SYNDIG1L: variants seen among roughly 807,000 people sequenced by gnomAD.
SYNDIG1L encodes the protein synapse differentiation inducing 1 like.
SYNDIG1L carries 13 observed loss-of-function variants against 20.1 expected under a neutral mutation model. The ratio of observed to expected loss-of-function variants is 0.65; its 90% CI spans 0.42 to 1.03. SYNDIG1L has a LOEUF of 1.03. Among genes scored for constraint, SYNDIG1L ranks in the 50% least tolerant of loss-of-function variants. The pLI is 0.00. For missense variants in SYNDIG1L, 294 were observed against 305.1 expected, an observed-to-expected ratio of 0.96 and a Z score of 0.27; for synonymous variants, 128 against 129.3, an observed-to-expected ratio of 0.99 and a Z score of 0.07.
chr14:74,454,396 T>A, the SYNDIG1L span, among the ~76,000 whole-genome samples: 2 of 152,232 alleles, frequency 1.3e-5, no homozygotes, highest in Non-Finnish European at 1.5e-5. Flanking sequence ...AAAGGAGAAC[T>A]GCCAGGTCTG....
intron 1 of SYNDIG1L, among the ~76,000 whole-genome samples, chr14:74,418,308 C>T (rs1310804672): frequency 3.3e-5 from 5 of 152,046 alleles, no homozygotes; most frequent in African/African-American, 4.8e-5. Context: ...GCGAGGGGGG[C>T]GAGGTTGGCA....
the SYNDIG1L span, among the ~76,000 whole-genome samples, chr14:74,471,699 T>C: frequency 6.6e-6 from 1 of 152,156 alleles, no homozygotes; most frequent in Non-Finnish European, 1.5e-5. Context: ...CAACATTTAA[T>C]GTGCAACTAT....
chr14:74,446,859 T>C, the SYNDIG1L span, among the ~76,000 whole-genome samples: 1 of 152,128 alleles, frequency 6.6e-6, no homozygotes, highest in African/African-American at 2.4e-5. Flanking sequence ...TCAGGTGATC[T>C]GCCTGCCTCA....
chr14:74,438,191 C>T, the SYNDIG1L span, among the ~76,000 whole-genome samples: 2 of 152,164 alleles, frequency 1.3e-5, no homozygotes, highest in Non-Finnish European at 1.5e-5. Context: ...GACTAGTCAT[C>T]CTAAGTGTGA....
At chr14:74,410,640 C>T (rs1382816314) in intron 1 of SYNDIG1L, among the ~76,000 whole-genome samples, 3 of 124,610 alleles carry the variant, frequency 2.4e-5, no homozygotes, top group African/African-American at 9.1e-5. Flanking sequence ...GGGAACTGAT[C>T]CTGGGAAATA....
At chr14:74,470,845 C>T in the SYNDIG1L span, among the ~76,000 whole-genome samples, 14 of 152,328 alleles carry the variant, frequency 9.2e-5, no homozygotes, top group African/African-American at 3.1e-4. Context: ...TACTGCCTGC[C>T]TCTGAGAACT....
chr14:74,411,755 A>T (rs555309245), intron 1 of SYNDIG1L, among the ~76,000 whole-genome samples: 1 of 152,168 alleles, frequency 6.6e-6, no homozygotes, highest in Non-Finnish European at 1.5e-5. Context: ...TGCTGGCTGC[A>T]TGAGGGCAAG....
Position 74,409,334 on chromosome 14 carries a change from T to TTCCTCCTGGTCA in SYNDIG1L, c.399_410dup (p.Asp133_Glu136dup). 6.4e-7 allele frequency: 1 copy of TTCCTCCTGGTCA among 1,552,124 alleles called. No homozygotes were observed. The highest frequency in any genetic ancestry group is 8.7e-7 in the Non-Finnish European group (1 of 1,147,704). On this transcript the variant is annotated inframe_insertion, in exon 2 of 4. Coordinates refer to ENST00000331628, the MANE Select transcript of SYNDIG1L (RefSeq NM_001105579.2). ...TTTAACCTCATGCACTCACCTCCTCTTCCTCCTGGTCATCCTCCTGGTCCC... is the reference window on the plus strand; with the variant it reads ...TTTAACCTCATGCACTCACCTCCTCTTCCTCCTGGTCATCCTCCTGGTCATCCTCCTGGTCCC...
the SYNDIG1L span, among the ~76,000 whole-genome samples, chr14:74,434,063 TAAC>T: frequency 6.6e-6 from 1 of 151,966 alleles, no homozygotes; most frequent in Non-Finnish European, 1.5e-5. Flanking sequence ...ACATATAATA[TAAC>T]AACAAGTATG....
chr14:74,444,340 G>A, the SYNDIG1L span, among the ~76,000 whole-genome samples: 8 of 151,860 alleles, frequency 5.3e-5, no homozygotes, highest in African/African-American at 1.9e-4. Context: ...GATTACAGGC[G>A]TGAGCCACTG....
the SYNDIG1L span, among the ~76,000 whole-genome samples, chr14:74,438,726 G>A: frequency 1.3e-5 from 2 of 152,148 alleles, no homozygotes; most frequent in Non-Finnish European, 2.9e-5. Context: ...CTGTAATGGG[G>A]GAAGAATGTT....
At chr14:74,462,282 G>A in the SYNDIG1L span, among the ~76,000 whole-genome samples, 239 of 151,546 alleles carry the variant, frequency 1.6e-3, 1 homozygote, top group African/African-American at 5.6e-3. Context: ...TCAGGAGTTC[G>A]AGACCAGCCT....
the SYNDIG1L span, among the ~76,000 whole-genome samples, chr14:74,460,519 C>T: frequency 6.6e-6 from 1 of 152,216 alleles, no homozygotes; most frequent in Non-Finnish European, 1.5e-5. Flanking sequence ...CGTGCTCTCC[C>T]CAGCCTTTCA....
the SYNDIG1L span, among the ~76,000 whole-genome samples, chr14:74,432,981 C>T: frequency 2.0e-5 from 3 of 152,100 alleles, no homozygotes; most frequent in Non-Finnish European, 2.9e-5. Context: ...ATTAAATCTA[C>T]GATGTAAACA....
rs539808392 is a variant in SYNDIG1L, at chr14:74,423,667, G to T, written c.-58+2245C>A. Among the ~76,000 whole-genome samples, 3 of 146,224 alleles carry T rather than the reference G, an allele frequency of 2.1e-5. No homozygotes were observed. The East Asian group carries it at 6.0e-4, about 29-fold the overall frequency. ...ACAGTTGAGGGAAATTATTATCAGA[G>T]AAACTCATTTTGATTGATATATATA... On this transcript the variant is annotated intron_variant, in intron 1 of 3. Transcript: ENST00000331628.
chr14:74,416,491 A>G (rs557482753), intron 1 of SYNDIG1L, among the ~76,000 whole-genome samples: 195 of 152,196 alleles, frequency 1.3e-3, no homozygotes, highest in African/African-American at 4.5e-3. Flanking sequence ...AAAATCAATC[A>G]GGTGTGGTGG....
chr14:74,458,078 G>A, the SYNDIG1L span, among the ~76,000 whole-genome samples: 1 of 152,142 alleles, frequency 6.6e-6, no homozygotes, highest in Non-Finnish European at 1.5e-5. Flanking sequence ...GGGATTACGG[G>A]AGAGCCACTG....
chr14:74,441,394 A>G, the SYNDIG1L span, among the ~76,000 whole-genome samples: 1 of 152,218 alleles, frequency 6.6e-6, no homozygotes, highest in Admixed American at 6.5e-5. Flanking sequence ...TATAGAATTC[A>G]GGGTGCAAAG....
chr14:74,407,732 A>T (rs748791053), intron 3 of SYNDIG1L, 39 bp from the exon 4 acceptor site: 2 of 1,577,982 alleles, frequency 1.3e-6, no homozygotes, highest in Non-Finnish European at 1.7e-6. Context: ...GAGTGTCCCC[A>T]CACCCAGCCA....
Sources: gnomAD v4.1 joint callset for allele counts (sites outside exome capture counted in the v4.1 genomes callset) on GRCh38, gnomAD v4.1.1 for gene constraint, MANE v1.5 for transcripts, NCBI Gene and HGNC (gene_info 2026-07-23, HGNC 2026-07-21) for gene names.